MAF: variants seen among roughly 807,000 people sequenced by gnomAD.
MAF encodes the protein MAF bZIP transcription factor, also known as transcription factor Maf.
MAF carries 10 observed loss-of-function variants against 22.0 expected under a neutral mutation model. The observed-to-expected ratio is 0.45, with a 90% CI of 0.28 to 0.77. The LOEUF (loss-of-function observed/expected upper bound fraction) is 0.77, where lower values mean the gene tolerates loss of function less well. MAF is among the 30% of genes least tolerant of loss of function. The pLI, the probability that MAF is intolerant of heterozygous loss-of-function variation, is 0.12. For missense variants in MAF, 544 were observed against 548.4 expected (o/e 0.99, Z 0.08); for synonymous variants, 337 against 255.8 (o/e 1.32, Z -3.03).
the MAF span, among the ~76,000 whole-genome samples, chr16:79,381,318 A>G: frequency 1.5e-3 from 233 of 152,354 alleles, 2 homozygotes; most frequent in Middle Eastern, 3.4e-3. Context: ...GTAAACAACC[A>G]TAGGTCAGAG....
At chr16:79,423,952 G>A in the MAF span, among the ~76,000 whole-genome samples, 76 of 152,250 alleles carry the variant, frequency 5.0e-4, no homozygotes, top group African/African-American at 1.8e-3. Context: ...TTTCCACCAT[G>A]AATCTTAATA....
At chr16:79,502,708 A>AT in the MAF span, among the ~76,000 whole-genome samples, 3 of 34,006 alleles carry the variant, frequency 8.8e-5, no homozygotes, top group Non-Finnish European at 1.1e-4. Context: ...TATAAATATA[A>AT]ATATATATAT....
the MAF span, among the ~76,000 whole-genome samples, chr16:79,427,103 C>A: frequency 6.6e-6 from 1 of 152,200 alleles, no homozygotes; most frequent in Non-Finnish European, 1.5e-5. Context: ...GTTGTGAGGA[C>A]CACACGTGAT....
chr16:79,431,876 T>C, the MAF span, among the ~76,000 whole-genome samples: 1 of 152,202 alleles, frequency 6.6e-6, no homozygotes, highest in African/African-American at 2.4e-5. Flanking sequence ...TAGCAAGTGT[T>C]ACAGGTTGAA....
At chr16:79,289,428 C>G in the MAF span, among the ~76,000 whole-genome samples, 3 of 152,074 alleles carry the variant, frequency 2.0e-5, no homozygotes, top group Non-Finnish European at 2.9e-5. Context: ...GATGTCTCAC[C>G]TGGGGGACTG....
chr16:79,285,555 A>C, the MAF span, among the ~76,000 whole-genome samples: 6 of 152,134 alleles, frequency 3.9e-5, no homozygotes, highest in African/African-American at 1.4e-4. Context: ...CCTCTCTAGA[A>C]CCGCTGACTC....
the MAF span, among the ~76,000 whole-genome samples, chr16:79,455,857 A>C: frequency 2.0e-5 from 3 of 152,072 alleles, no homozygotes; most frequent in Non-Finnish European, 4.4e-5. Flanking sequence ...GTCTCTGACA[A>C]AAATACAAAA....
At chr16:79,333,829 C>G in the MAF span, among the ~76,000 whole-genome samples, 2 of 151,758 alleles carry the variant, frequency 1.3e-5, no homozygotes, top group African/African-American at 4.8e-5. Flanking sequence ...CTGGTAATAT[C>G]ATCACACACG....
At chr16:79,290,499 G>C in the MAF span, among the ~76,000 whole-genome samples, 1 of 152,080 alleles carries the variant, frequency 6.6e-6, no homozygotes, top group Non-Finnish European at 1.5e-5. Flanking sequence ...TAACCACGGG[G>C]AACTGAGTTT....
At chr16:79,277,693 G>A in the MAF span, among the ~76,000 whole-genome samples, 1 of 152,166 alleles carries the variant, frequency 6.6e-6, no homozygotes, top group East Asian at 1.9e-4. Flanking sequence ...CTCTCTATGT[G>A]ACCAGGAGGG....
the MAF span, among the ~76,000 whole-genome samples, chr16:79,580,007 C>G: frequency 2.6e-5 from 4 of 152,148 alleles, no homozygotes; most frequent in Non-Finnish European, 5.9e-5. Context: ...TATTACCCCT[C>G]TCAAACAAAA....
the MAF span, among the ~76,000 whole-genome samples, chr16:79,546,914 A>C: frequency 6.6e-6 from 1 of 152,220 alleles, no homozygotes; most frequent in Non-Finnish European, 1.5e-5. Flanking sequence ...ATCTAAATAC[A>C]GTGAACATCA....
At chr16:79,383,466 A>G in the MAF span, among the ~76,000 whole-genome samples, 1 of 152,214 alleles carries the variant, frequency 6.6e-6, no homozygotes, top group African/African-American at 2.4e-5. Flanking sequence ...TTATATTGGC[A>G]CAATTTAAGA....
chr16:79,329,855 T>A, the MAF span, among the ~76,000 whole-genome samples: 6 of 152,200 alleles, frequency 3.9e-5, no homozygotes, highest in Non-Finnish European at 7.3e-5. Flanking sequence ...CCAACTCGAT[T>A]ATCTTTCCTA....
chr16:79,296,776 C>G, the MAF span, among the ~76,000 whole-genome samples: 1 of 152,090 alleles, frequency 6.6e-6, no homozygotes, highest in Non-Finnish European at 1.5e-5. Context: ...ATGGGAAACA[C>G]TCTGCCTATT....
chr16:79,292,664 G>C, the MAF span, among the ~76,000 whole-genome samples: 5 of 152,268 alleles, frequency 3.3e-5, no homozygotes, highest in Admixed American at 3.3e-4. Context: ...GCATTCCCGG[G>C]AAGTTAGGCA....
the MAF span, among the ~76,000 whole-genome samples, chr16:79,267,803 CA>C: frequency 6.6e-6 from 1 of 152,046 alleles, no homozygotes; most frequent in African/African-American, 2.4e-5. Context: ...ATGATGAGGC[CA>C]GGGGACAAGG....
downstream of MAF, among the ~76,000 whole-genome samples, chr16:79,591,605 GT>G (rs1913194228): frequency 6.6e-6 from 1 of 152,214 alleles, no homozygotes; most frequent in African/African-American, 2.4e-5. Context: ...TGGAAAATGT[GT>G]TTTATGAGTT....
chr16:79,484,555 C>T, the MAF span, among the ~76,000 whole-genome samples: 1 of 152,200 alleles, frequency 6.6e-6, no homozygotes, highest in Non-Finnish European at 1.5e-5. Context: ...AAGGGCTCAG[C>T]CCTTCACTTT....
Sources: allele counts gnomAD v4.1 joint callset (sites outside exome capture counted in the v4.1 genomes callset), GRCh38; gene constraint gnomAD v4.1.1; transcripts MANE v1.5; gene names NCBI Gene and HGNC (gene_info 2026-07-23, HGNC 2026-07-21).